Variants in PDGFRL observed in about 807,000 individuals in gnomAD.
PDGFRL encodes the protein platelet derived growth factor receptor like.
Under a neutral mutation model 37.2 loss-of-function variants are expected in PDGFRL, and 46 were observed. The observed-to-expected ratio is 1.24, with a 90% CI of 0.98 to 1.58. The LOEUF is 1.58. Ranked by LOEUF, PDGFRL falls within the 40% of genes most tolerant of loss-of-function variation. The pLI is 0.00. For synonymous variants in PDGFRL, 251 were observed against 184.3 expected (o/e 1.36, Z -2.93); for missense variants, 692 against 467.6 (o/e 1.48, Z -4.43).
At chr8:17,638,876 TTCTG>T (rs1350542809) in intron 5 of PDGFRL, among the ~76,000 whole-genome samples, 1 of 150,436 alleles carries the variant, frequency 6.6e-6, no homozygotes, top group Non-Finnish European at 1.5e-5. Context: ...TTAACGTTTG[TTCTG>T]TCTGATATAA....
intron 2 of PDGFRL, among the ~76,000 whole-genome samples, chr8:17,604,762 A>G (rs755078236): frequency 2.6e-5 from 4 of 152,224 alleles, no homozygotes; most frequent in Non-Finnish European, 5.9e-5. Flanking sequence ...AAAAATTTAG[A>G]GCAAAATTTA....
At chr8:17,623,799 C>T (rs1175249069) in intron 3 of PDGFRL, among the ~76,000 whole-genome samples, 5 of 149,106 alleles carry the variant, frequency 3.4e-5, no homozygotes, top group South Asian at 2.2e-4. Context: ...GCCTGAATCT[C>T]GGAGTTGGTG....
chr8:17,634,815 G>C (rs1230982248), intron 5 of PDGFRL, among the ~76,000 whole-genome samples: 2 of 152,126 alleles, frequency 1.3e-5, no homozygotes, highest in Admixed American at 6.5e-5. Flanking sequence ...GGGCCTACCT[G>C]GGGGTGGAGG....
intron 1 of PDGFRL, among the ~76,000 whole-genome samples, chr8:17,585,974 C>T (rs144163634): frequency 1.3e-5 from 2 of 152,072 alleles, no homozygotes; most frequent in Admixed American, 6.5e-5. Flanking sequence ...TTTTTTGAGA[C>T]AGAGTCTCAC....
At chr8:17,618,422 G>C (rs961420976) in intron 2 of PDGFRL, among the ~76,000 whole-genome samples, 1 of 152,130 alleles carries the variant, frequency 6.6e-6, no homozygotes, top group African/African-American at 2.4e-5. Context: ...ATTTGTCATG[G>C]CTATAGTAAT....
chr8:17,634,996 T>C (rs1804941943), intron 5 of PDGFRL, among the ~76,000 whole-genome samples: 1 of 151,716 alleles, frequency 6.6e-6, no homozygotes, highest in South Asian at 2.1e-4. Flanking sequence ...AAAAAGGACA[T>C]TGGGAGGAAA....
chr8:17,577,368 GC>G, intron 1 of PDGFRL, 61 bp downstream of exon 1: 1 of 1,362,732 alleles, frequency 7.3e-7, no homozygotes. Flanking sequence ...GGGACCCGAA[GC>G]CCCCGCCGCC....
chr8:17,592,936 ACACACACACAC>A (rs1563508768), intron 2 of PDGFRL, among the ~76,000 whole-genome samples: 2 of 147,438 alleles, frequency 1.4e-5, no homozygotes, highest in African/African-American at 5.1e-5. Context: ...ACACACACAC[ACACACACACAC>A]ACACTACTCT....
At chr8:17,633,988 C>G (rs1171083218) in intron 4 of PDGFRL, 86 bp from the exon 5 acceptor site, 57 of 1,323,670 alleles carry the variant, frequency 4.3e-5, no homozygotes, top group South Asian at 1.3e-4. Context: ...AATTCCATCT[C>G]TCTCCATGGA....
chr8:17,605,298 A>G (rs55817606), intron 2 of PDGFRL, among the ~76,000 whole-genome samples: 22,872 of 152,196 alleles, frequency 0.15, 2,090 homozygotes, highest in Non-Finnish European at 0.2. Flanking sequence ...CCCATGCCCC[A>G]TACCCATTTC....
intron 2 of PDGFRL, among the ~76,000 whole-genome samples, chr8:17,598,968 C>T (rs140892137): frequency 8.8e-4 from 134 of 152,312 alleles, no homozygotes; most frequent in Non-Finnish European, 1.7e-3. Context: ...ATCCATTCAA[C>T]TTCTTTCCTT....
rs549226565 is a variant in PDGFRL at position 17,580,560 on chromosome 8, T to A, written c.55+3253T>A. On this transcript the variant is annotated intron_variant, in intron 1 of 5. Coordinates refer to ENST00000251630, the MANE Select transcript of PDGFRL (RefSeq NM_001372073.1). ...TGATGGTTTTCAAACCTAGACAAGGTTTTAAAACCCTTTCTTTGTGGTGCT... is the reference window on the plus strand; with the variant it reads ...TGATGGTTTTCAAACCTAGACAAGGATTTAAAACCCTTTCTTTGTGGTGCT... Among the ~76,000 whole-genome samples, 14 of 152,122 alleles carry A rather than the reference T, an allele frequency of 9.2e-5. No homozygotes were observed. The South Asian group carries it at 2.5e-3, about 27-fold the overall frequency.
chr8:17,628,596 C>G lies in PDGFRL; in HGVS notation c.615C>G (p.Val205=), dbSNP rs1804785773. Residue 205 remains valine (V), a synonymous_variant, in exon 4 of 6, where the codon GTC becomes GTG. Coordinates refer to ENST00000251630, the MANE Select transcript of PDGFRL (RefSeq NM_001372073.1). ...GGGTGACCGTGCTGTCGGCCAAAGT[C>G]ACGCTCCACAGGGAATTCCCAGCCA... ...PCRVTVLSAK[V]TLHREFPAKE... The G allele has an allele frequency of 3.7e-6, 6 of 1,614,084 alleles. No homozygotes were observed. The Admixed American group carries it at 1.0e-4, about 27-fold the overall frequency.
intron 2 of PDGFRL, among the ~76,000 whole-genome samples, chr8:17,594,377 A>G (rs1234308659): frequency 6.6e-6 from 1 of 150,844 alleles, no homozygotes; most frequent in Non-Finnish European, 1.5e-5. Context: ...ACTAGCTGGA[A>G]TTACAGGCAC....
chr8:17,588,996 A>T (rs1039672838), intron 1 of PDGFRL, among the ~76,000 whole-genome samples: 4 of 152,186 alleles, frequency 2.6e-5, no homozygotes, highest in African/African-American at 9.7e-5. Flanking sequence ...AAATTAATCA[A>T]AAGATGATAA....
intron 5 of PDGFRL, among the ~76,000 whole-genome samples, chr8:17,637,311 A>C (rs991295336): frequency 6.6e-6 from 1 of 152,070 alleles, no homozygotes. Flanking sequence ...GATTTTGTCA[A>C]ATGTTTTTTG....
chr8:17,630,742 T>G (rs146210504), intron 4 of PDGFRL, among the ~76,000 whole-genome samples: 1 of 152,188 alleles, frequency 6.6e-6, no homozygotes, highest in Admixed American at 6.5e-5. Context: ...AATGCTGACC[T>G]GGCTTGTTGT....
intron 3 of PDGFRL, among the ~76,000 whole-genome samples, chr8:17,623,057 T>A (rs925911833): frequency 3.3e-5 from 5 of 152,158 alleles, no homozygotes; most frequent in African/African-American, 1.2e-4. Context: ...CTCTATCAGT[T>A]TCATTCCACA....
chr8:17,638,783 ATATAAT>A (rs1297759910), intron 5 of PDGFRL, among the ~76,000 whole-genome samples: 1 of 100,214 alleles, frequency 1.0e-5, no homozygotes, highest in Non-Finnish European at 2.0e-5. Flanking sequence ...ATATATATAT[ATATAAT>A]TGTGATATTT....
Sources: gnomAD v4.1 joint callset for allele counts (sites outside exome capture counted in the v4.1 genomes callset) on GRCh38, gnomAD v4.1.1 for gene constraint, MANE v1.5 for transcripts, NCBI Gene and HGNC (gene_info 2026-07-23, HGNC 2026-07-21) for gene names.